The following SLC17A1 variants were observed in gnomAD, a reference collection of about 807,000 sequenced individuals.
The protein encoded by SLC17A1 is solute carrier family 17 member 1, also known as sodium-dependent phosphate transport protein 1.
In SLC17A1, 51 loss-of-function variants were observed where a neutral mutation model predicts 53.5. That is an observed-to-expected ratio of 0.95 (90% CI 0.76 to 1.20). The LOEUF (loss-of-function observed/expected upper bound fraction) is 1.20. Ranked by LOEUF, SLC17A1 falls within the 50% of genes most tolerant of loss-of-function variation. SLC17A1 has a pLI of 0.00. For synonymous variants in SLC17A1, 179 were observed against 198.8 expected (o/e 0.90, Z 0.84); for missense variants, 538 against 568.2 (o/e 0.95, Z 0.54).
intron 10 of SLC17A1, 70 bp downstream of exon 10, chr6:25,811,328 G>A (rs1764147083): frequency 1.1e-5 from 16 of 1,456,902 alleles, no homozygotes; most frequent in Non-Finnish European, 1.4e-5. Flanking sequence ...AAATCATCAT[G>A]TTGTGCACAA....
intron 10 of SLC17A1, among the ~76,000 whole-genome samples, chr6:25,801,504 G>T (rs1403327096): frequency 6.6e-6 from 1 of 152,210 alleles, no homozygotes; most frequent in African/African-American, 2.4e-5. Context: ...TGAAGCTGCA[G>T]CGAACGATAG....
At chr6:25,808,305 G>C (rs368472743) in intron 10 of SLC17A1, among the ~76,000 whole-genome samples, 1 of 151,644 alleles carries the variant, frequency 6.6e-6, no homozygotes, top group Non-Finnish European at 1.5e-5. Context: ...GTATACAAAG[G>C]CATACAGAGT....
downstream of SLC17A1, chr6:25,780,583 A>G (rs6910549): frequency 0.86 from 130,852 of 152,254 alleles, 56,790 homozygotes; most frequent in East Asian, 0.98. Flanking sequence ...TTGTGAGGAG[A>G]CTGTAGAAGA....
chr6:25,767,668 C>T, the SLC17A1 span, among the ~76,000 whole-genome samples: 1 of 152,122 alleles, frequency 6.6e-6, no homozygotes, highest in Non-Finnish European at 1.5e-5. Context: ...AGCAGCATAC[C>T]TAGTGGTGTA....
At chr6:25,724,950 G>A in the SLC17A1 span, among the ~76,000 whole-genome samples, 4 of 148,478 alleles carry the variant, frequency 2.7e-5, no homozygotes, top group African/African-American at 9.9e-5. Flanking sequence ...AACTTTACCT[G>A]CTTCTATACA....
the SLC17A1 span, chr6:25,773,521 A>G: frequency 6.2e-7 from 1 of 1,613,768 alleles, no homozygotes; most frequent in Non-Finnish European, 8.5e-7. Flanking sequence ...AGGACTGTTC[A>G]CCAGGCTGGT....
intron 12 of SLC17A1, among the ~76,000 whole-genome samples, chr6:25,783,552 A>G (rs558807422): frequency 3.1e-4 from 47 of 152,286 alleles, no homozygotes; most frequent in East Asian, 1.7e-3. Context: ...CAGTTGCTCT[A>G]TATCTATGTT....
intron 12 of SLC17A1, among the ~76,000 whole-genome samples, chr6:25,797,371 A>G (rs1763623981): frequency 6.6e-6 from 1 of 152,208 alleles, no homozygotes; most frequent in African/African-American, 2.4e-5. Context: ...GTTTGTAATC[A>G]CTAGCCTGGA....
At chr6:25,829,222 T>C (rs1456824230) in intron 2 of SLC17A1, among the ~76,000 whole-genome samples, 1 of 152,076 alleles carries the variant, frequency 6.6e-6, no homozygotes. Flanking sequence ...GTCCTAGCGA[T>C]GCGATAGTGT....
At chr6:25,829,469 G>A (rs941779587) in intron 2 of SLC17A1, among the ~76,000 whole-genome samples, 2 of 152,158 alleles carry the variant, frequency 1.3e-5, no homozygotes, top group African/African-American at 4.8e-5. Flanking sequence ...AATGGATCTA[G>A]AAAGCTATCA....
chr6:25,822,232 C>CT (rs1764588427), intron 3 of SLC17A1, among the ~76,000 whole-genome samples: 1 of 152,030 alleles, frequency 6.6e-6, no homozygotes, highest in Non-Finnish European at 1.5e-5. Flanking sequence ...CTTATTTCGT[C>CT]TTTTTTTCTA....
At chr6:25,793,634 T>C (rs1242060654) in intron 12 of SLC17A1, among the ~76,000 whole-genome samples, 3 of 152,162 alleles carry the variant, frequency 2.0e-5, no homozygotes, top group Admixed American at 6.5e-5. Flanking sequence ...CACTGCTCTA[T>C]CCCAGCACCT....
At chr6:25,804,574 A>C (rs1316114250) in intron 10 of SLC17A1, among the ~76,000 whole-genome samples, 1 of 152,142 alleles carries the variant, frequency 6.6e-6, no homozygotes, top group Non-Finnish European at 1.5e-5. Flanking sequence ...GCTCCACTTA[A>C]AAGATACAAA....
chr6:25,806,919 GA>G (rs1437613494), intron 10 of SLC17A1, among the ~76,000 whole-genome samples: 1 of 151,824 alleles, frequency 6.6e-6, no homozygotes, highest in Non-Finnish European at 1.5e-5. Context: ...ATAAACATAA[GA>G]AAAAATGCTC....
chr6:25,819,401 T>A, intron 5 of SLC17A1, 110 bp downstream of exon 5: 1 of 914,552 alleles, frequency 1.1e-6, no homozygotes, highest in Non-Finnish European at 1.7e-6. Context: ...AAACAGATGA[T>A]TTCCAAAGCC....
intron 6 of SLC17A1, among the ~76,000 whole-genome samples, chr6:25,813,945 T>C (rs940538159): frequency 3.3e-5 from 5 of 152,242 alleles, no homozygotes; most frequent in African/African-American, 9.6e-5. Context: ...TAGTATTCAA[T>C]GGTGTATATG....
chr6:25,787,911 A>G (rs1439903826), intron 12 of SLC17A1, among the ~76,000 whole-genome samples: 1 of 152,180 alleles, frequency 6.6e-6, no homozygotes, highest in Admixed American at 6.5e-5. Flanking sequence ...CTGGAAATGG[A>G]GATCCCTCTG....
the SLC17A1 span, among the ~76,000 whole-genome samples, chr6:25,775,473 T>C: frequency 6.6e-6 from 1 of 152,174 alleles, no homozygotes; most frequent in Non-Finnish European, 1.5e-5. Context: ...TCTCACTGTG[T>C]TGCCCAGGCT....
the SLC17A1 span, among the ~76,000 whole-genome samples, chr6:25,742,163 T>C: frequency 1.3e-5 from 2 of 152,120 alleles, no homozygotes; most frequent in Non-Finnish European, 2.9e-5. Context: ...AAAAGAATCA[T>C]CCGGCACAGA....
Sources: allele counts gnomAD v4.1 joint callset (sites outside exome capture counted in the v4.1 genomes callset), GRCh38; gene constraint gnomAD v4.1.1; transcripts MANE v1.5; gene names NCBI Gene and HGNC (gene_info 2026-07-23, HGNC 2026-07-21).